The following LRRC9 variants were observed in gnomAD, a reference collection of about 807,000 sequenced individuals.
LRRC9 encodes leucine rich repeat containing 9.
Under a neutral mutation model 63.2 loss-of-function variants are expected in LRRC9, and 122 were observed. The observed-to-expected ratio is 1.93, with a 90% CI of 1.67 to 2.24. The LOEUF (loss-of-function observed/expected upper bound fraction) is 2.24, where lower values mean the gene tolerates loss of function less well. LRRC9 is among the 30% of genes most tolerant of loss of function. The pLI is 0.00. For missense variants in LRRC9, 1,071 were observed against 627.7 expected, an observed-to-expected ratio of 1.71 and a Z score of -7.55; for synonymous variants, 366 against 213.1, an observed-to-expected ratio of 1.72 and a Z score of -6.25.
intron 23 of LRRC9, among the ~76,000 whole-genome samples, chr14:60,013,090 C>T (rs1773763806): frequency 6.7e-6 from 1 of 149,460 alleles, no homozygotes; most frequent in Non-Finnish European, 1.5e-5. Context: ...GGTATATCTC[C>T]TAATGCTATC....
chr14:60,001,982 AT>A lies in LRRC9; in HGVS notation c.2548del (p.Ser850LeufsTer20), dbSNP rs1207288398. The A allele has an allele frequency of 6.0e-5, 41 of 686,572 alleles. No homozygotes were observed. Among genetic ancestry groups the A allele is most frequent in the Non-Finnish European group, 1.0e-4 (38 of 379,390 alleles). 42.5% of individuals were successfully genotyped at this position (686,572 alleles called of 1,614,324 possible). A position where few individuals can be genotyped will look rare whatever the true frequency, so the allele number is the denominator to read the frequency against. ...TTTTATTAGTTATCTCTCTTACGGC[AT>A]TCTAGTACTAAAGAGGAGAGACCAC... is the stretch of plus-strand genomic sequence containing the variant. On this transcript the variant is annotated frameshift_variant, in exon 20 of 32. Coordinates refer to ENST00000445360, the Ensembl canonical transcript of LRRC9. LOFTEE classifies it high-confidence loss of function.
intron 8 of LRRC9, among the ~76,000 whole-genome samples, chr14:59,949,797 T>C (rs878915958): frequency 6.7e-6 from 1 of 148,872 alleles, no homozygotes; most frequent in Non-Finnish European, 1.5e-5. Flanking sequence ...TTCCATATAG[T>C]TGAGCGGCTT....
Position 59,923,891 on chromosome 14 carries a change from A to G in LRRC9, c.-34+4008A>G, listed in dbSNP as rs1480829189. Among the ~76,000 whole-genome samples the G allele has an allele frequency of 6.6e-6, 1 of 152,224 alleles. No individual in the cohort carries two copies. Among genetic ancestry groups the G allele is most frequent in the Non-Finnish European group, 1.5e-5 (1 of 68,034 alleles). Reference sequence around the variant, plus strand: ...GGGAGGTGGAGCTTGCAGTGAGCTGAGATCGCGCCACTGCACTGTACTCCA... The same window carrying G: ...GGGAGGTGGAGCTTGCAGTGAGCTGGGATCGCGCCACTGCACTGTACTCCA... On this transcript the variant is annotated intron_variant, in intron 1 of 31. Transcript: ENST00000445360. This position sits in a 1 kb window ranked among gnomAD's most constrained non-coding sequence, Gnocchi z 4.2.
rs73308115 is a variant in LRRC9, at chr14:60,046,428, C to T, written c.3991-6637C>T. Among the ~76,000 whole-genome samples, 970 of 152,114 alleles carry T rather than the reference C, an allele frequency of 6.4e-3. 11 individuals carry two copies. Among genetic ancestry groups the T allele is most frequent in the African/African-American group, 0.022 (928 of 41,494 alleles). ...GGATTTTACATTAAAGTTTTTAATC[C>T]ATCTTTTGTTAACCTCTGTATAAGG... On this transcript the variant is annotated intron_variant, in intron 29 of 31. Coordinates refer to ENST00000445360, the Ensembl canonical transcript of LRRC9.
rs73306073 is a variant in LRRC9, at chr14:60,016,960, G to A, written c.3317+170G>A. On this transcript the variant is annotated intron_variant, in intron 24 of 31. Coordinates refer to ENST00000445360, the Ensembl canonical transcript of LRRC9. ...TAAGTAATGAGCATTTTTTGAGATGGGGTCTCAAAAAATGGCTCACTGCAG... is the reference window on the plus strand; with the variant it reads ...TAAGTAATGAGCATTTTTTGAGATGAGGTCTCAAAAAATGGCTCACTGCAG... Among the ~76,000 whole-genome samples, 449 of 151,738 alleles carry A rather than the reference G, an allele frequency of 3.0e-3. 3 individuals are homozygous for A. Among genetic ancestry groups the A allele is most frequent in the African/African-American group, 0.01 (431 of 41,386 alleles).
intron 29 of LRRC9, among the ~76,000 whole-genome samples, chr14:60,044,286 T>C (rs1893220065): frequency 6.6e-6 from 1 of 152,138 alleles, no homozygotes; most frequent in African/African-American, 2.4e-5. Flanking sequence ...TTAGTCTGAA[T>C]TTCATTTATT....
In LRRC9 at chr14:60,003,611, T is replaced by G. The variant is rs1406143900; in HGVS notation, c.2665-10T>G. On this transcript the variant is annotated splice_polypyrimidine_tract_variant and intron_variant, in intron 20 of 31. Coordinates refer to ENST00000445360, the Ensembl canonical transcript of LRRC9. This position sits in a 1 kb window ranked among gnomAD's most constrained non-coding sequence, Gnocchi z 4.2. ...TTTAGAAATAACATACAATGTAAAT[T>G]ATTCTACAGATAACTGCCTTAAATT... The G allele has an allele frequency of 1.5e-6, 1 of 645,908 alleles. No individual in the cohort carries two copies. Among genetic ancestry groups the G allele is most frequent in the Non-Finnish European group, 2.7e-6 (1 of 364,382 alleles). The allele number at this position is 645,908 out of a possible 1,614,324, so 40.0% of individuals were successfully genotyped here. A position where few individuals can be genotyped will look rare whatever the true frequency, so the allele number is the denominator to read the frequency against.
At chr14:60,029,626 AAG>A (rs1048499969) in intron 28 of LRRC9, among the ~76,000 whole-genome samples, 4 of 152,088 alleles carry the variant, frequency 2.6e-5, no homozygotes, top group African/African-American at 9.7e-5. Context: ...GCTTTTCCAC[AAG>A]AGTGTCCCTG....
chr14:60,019,357 T>C, intron 26 of LRRC9, 97 bp downstream of exon 26: 1 of 490,002 alleles, frequency 2.0e-6, no homozygotes, highest in East Asian at 3.2e-5. Flanking sequence ...TTCCAGTACA[T>C]AAAATTTAGC....
chr14:59,979,476 G>C (rs1036651994), intron 15 of LRRC9, among the ~76,000 whole-genome samples: 1 of 152,076 alleles, frequency 6.6e-6, no homozygotes, highest in South Asian at 2.1e-4. Context: ...GCCGGCCGTG[G>C]TGGCGGGCGC....
intron 29 of LRRC9, among the ~76,000 whole-genome samples, chr14:60,036,318 G>C (rs1892428024): frequency 6.6e-6 from 1 of 152,110 alleles, no homozygotes; most frequent in South Asian, 2.1e-4. Context: ...TTCACCTATT[G>C]TTCTCATAAT....
chr14:59,978,239 G>T, intron 15 of LRRC9, 107 bp downstream of exon 15: 1 of 591,446 alleles, frequency 1.7e-6, no homozygotes, highest in Non-Finnish European at 3.0e-6. Flanking sequence ...TTATGTGCAT[G>T]TGTGTATAAT....
chr14:59,975,087 G>GTATATATATA, intron 13 of LRRC9, among the ~76,000 whole-genome samples: 1 of 46,218 alleles, frequency 2.2e-5, no homozygotes, highest in African/African-American at 5.5e-5. Flanking sequence ...TGTGTGTGTA[G>GTATATATATA]TGTATATATA....
chr14:59,956,572 G>A (rs749872890), intron 8 of LRRC9, among the ~76,000 whole-genome samples: 20 of 152,144 alleles, frequency 1.3e-4, no homozygotes, highest in Non-Finnish European at 2.6e-4. Context: ...GAACAGCAAT[G>A]GGTCTTTACT....
At chr14:59,993,798 C>T (rs1301795844) in intron 17 of LRRC9, among the ~76,000 whole-genome samples, 2 of 152,194 alleles carry the variant, frequency 1.3e-5, no homozygotes, top group African/African-American at 4.8e-5. Context: ...TGCAGGAGCA[C>T]CCAGATTCAT....
At position 59,938,920 on chromosome 14, in the gene LRRC9, C is replaced by T. The variant is rs1359946442; in HGVS notation, c.726+348C>T. On this transcript the variant is annotated intron_variant, in intron 7 of 31. Coordinates refer to ENST00000445360, the Ensembl canonical transcript of LRRC9. The surrounding 1 kb of genome is among the most constrained non-coding windows in gnomAD (Gnocchi z 4.2). ...ATATATATACATATATACACATATG[C>T]ATATATATACACATATATACATATA... Among the ~76,000 whole-genome samples the T allele has an allele frequency of 1.5e-5, 2 of 129,770 alleles. No individual in the cohort carries two copies. The highest frequency in any genetic ancestry group is 3.2e-5 in the Non-Finnish European group (2 of 63,214). 85.1% of individuals were successfully genotyped at this position (129,770 alleles called of 152,430 possible). A position where few individuals can be genotyped will look rare whatever the true frequency, so the allele number is the denominator to read the frequency against.
rs2140463281 is a variant in LRRC9, at chr14:60,058,853, C to G, written c.4276+831C>G. ...TAAAGAAACCCACTGAAAAACAAAC[C>G]AGCATAATTTACTCCATTAAGATGT... is the stretch of plus-strand genomic sequence containing the variant. On this transcript the variant is annotated intron_variant, in intron 31 of 31. Coordinates refer to ENST00000445360, the Ensembl canonical transcript of LRRC9. The surrounding 1 kb of genome is among the most constrained non-coding windows in gnomAD (Gnocchi z 4.4). Among the ~76,000 whole-genome samples, 1 of 152,202 alleles carries G rather than the reference C, an allele frequency of 6.6e-6. No homozygotes were observed. Among genetic ancestry groups the G allele is most frequent in the African/African-American group, 2.4e-5 (1 of 41,544 alleles).
intron 29 of LRRC9, among the ~76,000 whole-genome samples, chr14:60,037,746 G>A (rs546275077): frequency 2.6e-5 from 4 of 152,176 alleles, no homozygotes; most frequent in Admixed American, 1.3e-4. Flanking sequence ...AGTTTCTTTC[G>A]CTGTGCAGAA....
rs773337856 is a variant in LRRC9 at position 59,999,202 on chromosome 14, T to C, written c.2505T>C (p.Phe835=). 28 of 701,392 alleles carry C rather than the reference T, an allele frequency of 4.0e-5. 1 individual carries two copies. The highest frequency in any genetic ancestry group is 3.3e-4 in the South Asian group (22 of 67,366). 43.4% of individuals were successfully genotyped at this position (701,392 alleles called of 1,614,324 possible). The stretch of plus-strand genomic sequence containing the variant: ...AAGAAGCAACAGCAGCTATGAAATT[T>C]ATTGCAGGAACAAGGATTACTCAGG... Residue 835 remains phenylalanine, a synonymous_variant, in exon 19 of 32, where the codon TTT becomes TTC. Transcript: ENST00000445360.
Sources: allele counts gnomAD v4.1 joint callset (sites outside exome capture counted in the v4.1 genomes callset), GRCh38; gene constraint gnomAD v4.1.1; non-coding constraint Gnocchi (gnomAD v3.1); transcripts MANE v1.5; gene names NCBI Gene and HGNC (gene_info 2026-07-23, HGNC 2026-07-21).